Variants in CEP112 observed in about 807,000 individuals in gnomAD.
CEP112 encodes centrosomal protein 112, also known as centrosomal protein of 112 kDa.
CEP112 carries 127 observed loss-of-function variants against 153.0 expected under a neutral mutation model. The observed-to-expected ratio is 0.83, with a 90% CI of 0.72 to 0.96. The LOEUF (loss-of-function observed/expected upper bound fraction) is 0.96. Among genes scored for constraint, CEP112 ranks in the 40% least tolerant of loss-of-function variants. The pLI is 0.00. For synonymous variants in CEP112, 358 were observed against 374.4 expected (o/e 0.96, Z 0.51); for missense variants, 1,089 against 1,101.2 (o/e 0.99, Z 0.16).
chr17:65,912,707 A>C (rs1392509018), intron 19 of CEP112, among the ~76,000 whole-genome samples: 1 of 152,236 alleles, frequency 6.6e-6, no homozygotes, highest in Non-Finnish European at 1.5e-5. Context: ...ATAAAGATGA[A>C]GGACAGTTCA....
At chr17:65,816,292 A>G (rs1009775427) in intron 21 of CEP112, among the ~76,000 whole-genome samples, 1 of 151,928 alleles carries the variant, frequency 6.6e-6, no homozygotes, top group Non-Finnish European at 1.5e-5. Context: ...AAAAATTTTA[A>G]TTTTTTATTC....
intron 21 of CEP112, among the ~76,000 whole-genome samples, chr17:65,797,610 G>A (rs750272890): frequency 6.6e-6 from 1 of 152,176 alleles, no homozygotes; most frequent in Non-Finnish European, 1.5e-5. Flanking sequence ...CATGAGTCAT[G>A]TTTCCAGTTT....
intron 4 of CEP112, among the ~76,000 whole-genome samples, chr17:66,159,275 A>G (rs748282422): frequency 3.3e-5 from 5 of 152,186 alleles, no homozygotes; most frequent in Non-Finnish European, 7.3e-5. Context: ...ATAGGTGCAA[A>G]GAGGAGCTGT....
chr17:65,813,563 C>T (rs1197487668), intron 21 of CEP112, among the ~76,000 whole-genome samples: 3 of 152,206 alleles, frequency 2.0e-5, no homozygotes, highest in Non-Finnish European at 4.4e-5. Context: ...GAGAAAGACA[C>T]ACTAGAATCT....
intron 12 of CEP112, among the ~76,000 whole-genome samples, chr17:66,050,168 CTAA>C (rs2066380029): frequency 6.6e-6 from 1 of 152,116 alleles, no homozygotes; most frequent in Non-Finnish European, 1.5e-5. Flanking sequence ...ACATTTTTTT[CTAA>C]TGTTTATTTT....
At chr17:65,849,920 G>A (rs1230463487) in intron 21 of CEP112, among the ~76,000 whole-genome samples, 1 of 152,016 alleles carries the variant, frequency 6.6e-6, no homozygotes, top group Non-Finnish European at 1.5e-5. Context: ...TTGGGAGGTC[G>A]AGTTGGGTGG....
At chr17:65,914,469 G>A (rs2060401425) in intron 19 of CEP112, among the ~76,000 whole-genome samples, 1 of 151,716 alleles carries the variant, frequency 6.6e-6, no homozygotes, top group Non-Finnish European at 1.5e-5. Flanking sequence ...ATGAAACAAG[G>A]TGGCATTCGA....
At chr17:65,920,365 ATATATATATATAT>A (rs2060664703) in intron 19 of CEP112, among the ~76,000 whole-genome samples, 1 of 32,822 alleles carries the variant, frequency 3.0e-5, no homozygotes, top group Admixed American at 4.4e-4. Flanking sequence ...CAAACAAAAT[ATATATATATATAT>A]ATATATATAT....
intron 20 of CEP112, among the ~76,000 whole-genome samples, chr17:65,891,904 G>A (rs2059480606): frequency 6.6e-6 from 1 of 152,164 alleles, no homozygotes; most frequent in Non-Finnish European, 1.5e-5. Flanking sequence ...CTTTTCTTTG[G>A]AGAGGCGTTC....
chr17:65,660,225 CTCCT>C (rs1472198484), intron 24 of CEP112, among the ~76,000 whole-genome samples: 2 of 55,364 alleles, frequency 3.6e-5, no homozygotes, highest in Non-Finnish European at 6.3e-5. Context: ...CCCTCCCTCC[CTCCT>C]TCCTTCCTCT....
chr17:65,687,457 C>T (rs956035983), intron 24 of CEP112, among the ~76,000 whole-genome samples: 1 of 152,008 alleles, frequency 6.6e-6, no homozygotes, highest in Non-Finnish European at 1.5e-5. Flanking sequence ...TGAGCCACTG[C>T]GCCCGGCCTA....
At chr17:65,653,049 T>C (rs77450983) in intron 24 of CEP112, among the ~76,000 whole-genome samples, 2,190 of 152,204 alleles carry the variant, frequency 0.014, 46 homozygotes, top group African/African-American at 0.05. Context: ...AAGACATTCA[T>C]CTCATTATGG....
chr17:65,934,820 G>T (rs2061250633), intron 18 of CEP112, among the ~76,000 whole-genome samples: 1 of 152,196 alleles, frequency 6.6e-6, no homozygotes, highest in South Asian at 2.1e-4. Context: ...AATTTATGAA[G>T]GAAAGACATT....
chr17:66,116,497 AT>A (rs1166729001), intron 6 of CEP112, among the ~76,000 whole-genome samples: 1 of 152,022 alleles, frequency 6.6e-6, no homozygotes, highest in African/African-American at 2.4e-5. Flanking sequence ...ACATCACAGA[AT>A]GTTTTGTCAA....
chr17:65,808,624 G>C (rs1468476262), intron 21 of CEP112, among the ~76,000 whole-genome samples: 1 of 152,026 alleles, frequency 6.6e-6, no homozygotes, highest in East Asian at 1.9e-4. Flanking sequence ...AGATCTAATG[G>C]TTTAAAAATG....
chr17:65,970,721 C>T (rs567075167), intron 17 of CEP112, among the ~76,000 whole-genome samples: 55 of 150,506 alleles, frequency 3.7e-4, no homozygotes, highest in African/African-American at 1.3e-3. Flanking sequence ...TGACATGTGC[C>T]TTTATCACAT....
In CEP112 at chr17:65,870,069, G is replaced by GAAAGAAAGAAAGAAAGA. The variant is rs1555689570; in HGVS notation, c.2164-18036_2164-18035insTCTTTCTTTCTTTCTTT. Reference sequence around the variant, plus strand: ...AGAAAGAAAGAAAGAAAGAAAGAAAGAAAGAAAGAAAGAAAAGAAAGAAAG... The same window carrying GAAAGAAAGAAAGAAAGA: ...AGAAAGAAAGAAAGAAAGAAAGAAAGAAAGAAAGAAAGAAAGAAAAGAAAGAAAGAAAAGAAAGAAAG... On this transcript the variant is annotated intron_variant, in intron 20 of 26. Coordinates refer to ENST00000535342, the MANE Select transcript of CEP112 (RefSeq NM_001199165.4). 1.4e-4 allele frequency among the ~76,000 whole-genome samples: 20 copies of GAAAGAAAGAAAGAAAGA among 143,060 alleles called. 1 individual carries two copies. Among genetic ancestry groups the GAAAGAAAGAAAGAAAGA allele is most frequent in the African/African-American group, 3.7e-4 (14 of 38,128 alleles). 93.9% of individuals were successfully genotyped at this position (143,060 alleles called of 152,430 possible).
chr17:66,071,327 C>A (rs1200797576), intron 8 of CEP112, among the ~76,000 whole-genome samples: 1 of 152,016 alleles, frequency 6.6e-6, no homozygotes, highest in Non-Finnish European at 1.5e-5. Context: ...CACAATATTT[C>A]TTCTTCGTTT....
At chr17:65,749,177 AC>A (rs1212404224) in intron 22 of CEP112, among the ~76,000 whole-genome samples, 2 of 152,138 alleles carry the variant, frequency 1.3e-5, no homozygotes, top group African/African-American at 4.8e-5. Context: ...TTGGACAAAG[AC>A]TTTTTGCTTT....
Sources: allele counts gnomAD v4.1 joint callset (sites outside exome capture counted in the v4.1 genomes callset), GRCh38; gene constraint gnomAD v4.1.1; transcripts MANE v1.5; gene names NCBI Gene and HGNC (gene_info 2026-07-23, HGNC 2026-07-21).